DPF3: variants seen among roughly 807,000 people sequenced by gnomAD.
DPF3 encodes the protein zinc finger protein DPF3.
A neutral mutation model predicts 56.8 loss-of-function variants in DPF3; 18 were observed. The ratio of observed to expected loss-of-function variants is 0.32; its 90% CI spans 0.22 to 0.47. DPF3 has a LOEUF of 0.47. Ranked by LOEUF, DPF3 falls within the 20% of genes least tolerant of loss-of-function variation. DPF3 has a pLI of 1.00. For missense variants in DPF3, 403 were observed against 488.8 expected (o/e 0.82, Z 1.65); for synonymous variants, 188 against 180.2 (o/e 1.04, Z -0.35).
chr14:72,704,352 C>A (rs1888316439), intron 6 of DPF3, among the ~76,000 whole-genome samples: 1 of 152,176 alleles, frequency 6.6e-6, no homozygotes, highest in Non-Finnish European at 1.5e-5. Flanking sequence ...AGAGAAAGGT[C>A]AAAAATCAGA....
intron 8 of DPF3, among the ~76,000 whole-genome samples, chr14:72,633,634 G>A (rs1885287500): frequency 6.6e-6 from 1 of 152,184 alleles, no homozygotes. Flanking sequence ...AAGACCCCGA[G>A]TGAGGGAATG....
intron 9 of DPF3, among the ~76,000 whole-genome samples, chr14:72,623,691 G>A (rs1253958845): frequency 6.6e-6 from 1 of 152,188 alleles, no homozygotes; most frequent in Non-Finnish European, 1.5e-5. Flanking sequence ...GTATGAACTG[G>A]ATGCATCAGT....
rs564477938 is a variant in DPF3 at position 72,758,625 on chromosome 14, C to A, written c.194-5254G>T. On this transcript the variant is annotated intron_variant, in intron 2 of 10. Transcript: ENST00000556509. ...TACCCAAAAAGATTAGAGGTAACAG[C>A]GCTCGGTGTGCACAAGGGGGCGGAA... is the stretch of plus-strand genomic sequence containing the variant. 1.1e-3 allele frequency among the ~76,000 whole-genome samples: 162 copies of A among 152,216 alleles called. 1 individual carries two copies. The highest frequency in any genetic ancestry group is 7.3e-3 in the South Asian group (35 of 4,804).
chr14:72,805,007 C>G (rs1462456466), intron 1 of DPF3, among the ~76,000 whole-genome samples: 1 of 144,652 alleles, frequency 6.9e-6, no homozygotes, highest in Non-Finnish European at 1.5e-5. Flanking sequence ...CCTCTCGGAG[C>G]TTCAGCTTCC....
At chr14:72,680,635 T>C (rs1887123389) in intron 7 of DPF3, among the ~76,000 whole-genome samples, 1 of 152,194 alleles carries the variant, frequency 6.6e-6, no homozygotes. Context: ...CTGTCATGAG[T>C]CCTCACATTT....
chr14:72,847,901 C>A (rs908301486), intron 1 of DPF3, among the ~76,000 whole-genome samples: 2 of 152,218 alleles, frequency 1.3e-5, no homozygotes, highest in Non-Finnish European at 2.9e-5. Flanking sequence ...TCCCAACATC[C>A]CTTGTGGCCA....
intron 1 of DPF3, among the ~76,000 whole-genome samples, chr14:72,788,166 G>A (rs1465274239): frequency 6.6e-6 from 1 of 152,160 alleles, no homozygotes; most frequent in African/African-American, 2.4e-5. Flanking sequence ...TGGAACAAGC[G>A]AAGCTCAAGC....
At chr14:72,858,196 T>A (rs1885243595) in intron 1 of DPF3, among the ~76,000 whole-genome samples, 2 of 151,864 alleles carry the variant, frequency 1.3e-5, no homozygotes, top group South Asian at 4.2e-4. Flanking sequence ...TGGTCCCATC[T>A]ACTCAGGAGG....
chr14:72,624,843 TATGC>T (rs1884726710), intron 9 of DPF3, among the ~76,000 whole-genome samples: 2 of 152,266 alleles, frequency 1.3e-5, no homozygotes, highest in Admixed American at 1.3e-4. Flanking sequence ...AAGATCCACA[TATGC>T]ATACATTTTT....
chr14:72,672,058 C>CGG (rs1555494748), intron 8 of DPF3, among the ~76,000 whole-genome samples: 9 of 72,614 alleles, frequency 1.2e-4, no homozygotes, highest in South Asian at 6.6e-4. Flanking sequence ...CACACACACA[C>CGG]AGACACACAC....
chr14:72,823,695 G>A (rs774259858), intron 1 of DPF3, among the ~76,000 whole-genome samples: 19 of 152,170 alleles, frequency 1.2e-4, no homozygotes, highest in Non-Finnish European at 1.5e-4. Flanking sequence ...GTTACCTTGA[G>A]AACAAGGAAA....
At chr14:72,764,485 T>G (rs12890520) in intron 2 of DPF3, among the ~76,000 whole-genome samples, 4 of 22,100 alleles carry the variant, frequency 1.8e-4, no homozygotes, top group South Asian at 2.9e-3. Context: ...TCCTGAGTTG[T>G]TTTTTTTTTT....
intron 1 of DPF3, among the ~76,000 whole-genome samples, chr14:72,860,693 G>A (rs571946186): frequency 1.4e-4 from 21 of 152,086 alleles, no homozygotes; most frequent in African/African-American, 4.1e-4. Context: ...AGCCTCCCGA[G>A]TAGCTGAGAT....
At chr14:72,745,545 G>A (rs1489810100) in intron 3 of DPF3, among the ~76,000 whole-genome samples, 1 of 152,134 alleles carries the variant, frequency 6.6e-6, no homozygotes, top group Non-Finnish European at 1.5e-5. Flanking sequence ...AGGTCAAAGA[G>A]CATGTGTGTT....
chr14:72,810,131 G>A (rs1452701920), intron 1 of DPF3, among the ~76,000 whole-genome samples: 1 of 152,172 alleles, frequency 6.6e-6, no homozygotes, highest in East Asian at 1.9e-4. Context: ...ATTTCATAGG[G>A]AAGATGCGAA....
Position 72,614,108 on chromosome 14 carries a change from C to T in DPF3, c.*5189G>A, listed in dbSNP as rs149286694. On this transcript the variant is annotated 3_prime_UTR_variant, in exon 11 of 11. Coordinates refer to ENST00000556509, the MANE Select transcript of DPF3 (RefSeq NM_001280542.3). ...AACCAACCCATCTGTCCCATTGTTT[C>T]CACACTCAGGGCTGGTGGCCGTGGC... Among the ~76,000 whole-genome samples, 37 of 152,324 alleles carry T rather than the reference C, an allele frequency of 2.4e-4. 1 individual carries two copies. In the East Asian group the frequency reaches 7.1e-3, roughly 29 times the overall value.
chr14:72,697,237 C>A (rs1238189663), intron 6 of DPF3, among the ~76,000 whole-genome samples: 1 of 152,146 alleles, frequency 6.6e-6, no homozygotes, highest in East Asian at 1.9e-4. Context: ...CTAATATGTG[C>A]CCCACCCTGT....
intron 1 of DPF3, among the ~76,000 whole-genome samples, chr14:72,810,353 G>A (rs75969394): frequency 0.12 from 18,297 of 152,120 alleles, 3,717 homozygotes; most frequent in African/African-American, 0.42. Context: ...AAGGGCCTGC[G>A]GTCCAGGACA....
rs932160963 is a variant in DPF3 at position 72,729,226 on chromosome 14, C to T, written c.429+2581G>A. Among the ~76,000 whole-genome samples, 3 of 151,602 alleles carry T rather than the reference C, an allele frequency of 2.0e-5. No individual in the cohort carries two copies. The East Asian group carries it at 5.8e-4, about 29-fold the overall frequency. On this transcript the variant is annotated intron_variant, in intron 4 of 10. Transcript: ENST00000556509. ...TTGCACCACTTCACTCCAGCCTGGG[C>T]GACACAGCGAGACTCTGTCTCAAAA...
Sources: allele counts gnomAD v4.1 joint callset (sites outside exome capture counted in the v4.1 genomes callset), GRCh38; gene constraint gnomAD v4.1.1; transcripts MANE v1.5; gene names NCBI Gene and HGNC (gene_info 2026-07-23, HGNC 2026-07-21).